The following SPSB1 variants were observed in gnomAD, a reference collection of about 807,000 sequenced individuals.
SPSB1 encodes splA/ryanodine receptor domain and SOCS box containing 1, also known as SPRY domain-containing SOCS box protein 1.
SPSB1 carries 8 observed loss-of-function variants against 21.2 expected under a neutral mutation model. The ratio of observed to expected loss-of-function variants is 0.38; its 90% CI spans 0.22 to 0.68. The LOEUF (loss-of-function observed/expected upper bound fraction) is 0.68, where lower values mean the gene tolerates loss of function less well. Among genes scored for constraint, SPSB1 ranks in the 30% least tolerant of loss-of-function variants. The probability of loss-of-function intolerance (pLI) is 0.53; values close to 1 mark genes in which losing one functional copy is unlikely to be tolerated. For missense variants in SPSB1, 242 were observed against 377.8 expected (o/e 0.64, Z 2.98); for synonymous variants, 169 against 161.7 (o/e 1.05, Z -0.34).
At chr1:9,320,830 A>G (rs1163466827) in intron 1 of SPSB1, among the ~76,000 whole-genome samples, 1 of 152,084 alleles carries the variant, frequency 6.6e-6, no homozygotes, top group Non-Finnish European at 1.5e-5. Context: ...GGTGGTTTGG[A>G]AGCTACAACG....
chr1:9,327,369 TC>T (rs1301604701), intron 1 of SPSB1, among the ~76,000 whole-genome samples: 1 of 152,124 alleles, frequency 6.6e-6, no homozygotes, highest in African/African-American at 2.4e-5. Flanking sequence ...TGCTTAAAAG[TC>T]GATCGCCAGG....
intron 1 of SPSB1, among the ~76,000 whole-genome samples, chr1:9,300,575 A>G (rs959009494): frequency 2.6e-5 from 4 of 152,220 alleles, no homozygotes; most frequent in African/African-American, 9.7e-5. Flanking sequence ...CTCTTGGCCT[A>G]ATACTGGACC....
At chr1:9,328,855 G>A (rs940598893) in intron 1 of SPSB1, among the ~76,000 whole-genome samples, 3 of 152,218 alleles carry the variant, frequency 2.0e-5, no homozygotes, top group African/African-American at 4.8e-5. Context: ...GTGGCTGGGC[G>A]TTTAGCAATA....
At position 9,346,625 on chromosome 1, in the gene SPSB1, G is replaced by C. The variant is rs1304792163; in HGVS notation, c.-149-9118G>C. On this transcript the variant is annotated intron_variant, in intron 1 of 2. Coordinates refer to ENST00000328089, the MANE Select transcript of SPSB1 (RefSeq NM_025106.4). The surrounding 1 kb of genome is among the most constrained non-coding windows in gnomAD (Gnocchi z 4.4). Reference sequence around the variant, plus strand: ...GGCTTTAATTGAAACACCATCGGGGGGTTGCCGGCAGGTGCTGTGCAGTCT... The same window carrying C: ...GGCTTTAATTGAAACACCATCGGGGCGTTGCCGGCAGGTGCTGTGCAGTCT... Among the ~76,000 whole-genome samples, 1 of 152,242 alleles carries C rather than the reference G, an allele frequency of 6.6e-6. No homozygotes were observed. The highest frequency in any genetic ancestry group is 1.5e-5 in the Non-Finnish European group (1 of 68,048).
chr1:9,358,959 T>C (rs1222503219), intron 2 of SPSB1, among the ~76,000 whole-genome samples: 22 of 152,176 alleles, frequency 1.4e-4, no homozygotes, highest in Admixed American at 1.4e-3. Context: ...TAGCTCTGCA[T>C]GAGATGGGAG....
rs761362730 is a variant in SPSB1, at chr1:9,367,609, C to T, written c.*34C>T. 1.9e-6 allele frequency: 3 copies of T among 1,559,754 alleles called. No homozygotes were observed. Among genetic ancestry groups the T allele is most frequent in the Middle Eastern group, 1.9e-4 (1 of 5,298 alleles). ...ATCATACCGCCAGCGCGACAGCCACCTGGTGCCAACTCACTGAGCCGCCTG... is the reference window on the plus strand; with the variant it reads ...ATCATACCGCCAGCGCGACAGCCACTTGGTGCCAACTCACTGAGCCGCCTG... On this transcript the variant is annotated 3_prime_UTR_variant, in exon 3 of 3. Coordinates refer to ENST00000328089, the MANE Select transcript of SPSB1 (RefSeq NM_025106.4). This position sits in a 1 kb window ranked among gnomAD's most constrained non-coding sequence, Gnocchi z 5.9.
intron 1 of SPSB1, among the ~76,000 whole-genome samples, chr1:9,353,982 C>T (rs1257214476): frequency 2.6e-5 from 4 of 151,854 alleles, no homozygotes; most frequent in South Asian, 2.1e-4. Context: ...CATGACCTGG[C>T]CCCTGAGATA....
intron 1 of SPSB1, chr1:9,294,532 T>C (rs1639178485): frequency 6.6e-6 from 1 of 152,224 alleles, no homozygotes; most frequent in Non-Finnish European, 1.5e-5. Context: ...GCTCTTCCTC[T>C]CTCCATTTCT....
At chr1:9,337,713 G>A (rs1056442932) in intron 1 of SPSB1, among the ~76,000 whole-genome samples, 1 of 152,198 alleles carries the variant, frequency 6.6e-6, no homozygotes, top group Non-Finnish European at 1.5e-5. Context: ...GGGGCCCTGA[G>A]CCAATATCCG....
At chr1:9,318,900 C>T (rs1639658685) in intron 1 of SPSB1, among the ~76,000 whole-genome samples, 1 of 152,128 alleles carries the variant, frequency 6.6e-6, no homozygotes. Flanking sequence ...GTCCTAAAGA[C>T]GTGGTAGGGC....
rs568819916 is a variant in SPSB1 at position 9,363,517 on chromosome 1, C to T, written c.695-3931C>T. Reference sequence around the variant, plus strand: ...CCTTTGGAGTCCATGGCTCTCAGACCTTGGACCTGTAACTCTCACCTCCCC... The same window carrying T: ...CCTTTGGAGTCCATGGCTCTCAGACTTTGGACCTGTAACTCTCACCTCCCC... On this transcript the variant is annotated intron_variant, in intron 2 of 2. Transcript: ENST00000328089. This position sits in a 1 kb window ranked among gnomAD's most constrained non-coding sequence, Gnocchi z 4.5. Among the ~76,000 whole-genome samples, 2 of 152,200 alleles carry T rather than the reference C, an allele frequency of 1.3e-5. No individual in the cohort carries two copies. Among genetic ancestry groups the T allele is most frequent in the African/African-American group, 4.8e-5 (2 of 41,516 alleles).
intron 1 of SPSB1, among the ~76,000 whole-genome samples, chr1:9,355,149 G>A (rs147704254): frequency 7.5e-4 from 115 of 152,322 alleles, no homozygotes; most frequent in African/African-American, 2.2e-3. Context: ...GGTGCCTTTC[G>A]TGCCAAGCGC....
chr1:9,349,964 CGCAGACACAG>C (rs952259223), intron 1 of SPSB1, among the ~76,000 whole-genome samples: 106 of 152,210 alleles, frequency 7.0e-4, no homozygotes, highest in African/African-American at 2.3e-3. Flanking sequence ...ACGCCACACA[CGCAGACACAG>C]GCAGACACGA....
chr1:9,342,648 C>T (rs1349923973), intron 1 of SPSB1, among the ~76,000 whole-genome samples: 3 of 152,226 alleles, frequency 2.0e-5, no homozygotes, highest in East Asian at 1.9e-4. Flanking sequence ...CGCCAGCCCG[C>T]GGGGTCATCC....
chr1:9,352,412 C>T (rs959453204), intron 1 of SPSB1, among the ~76,000 whole-genome samples: 8 of 152,158 alleles, frequency 5.3e-5, no homozygotes, highest in Non-Finnish European at 1.2e-4. Flanking sequence ...CTCTGGCTGG[C>T]GGACCCCAGG....
Position 9,320,801 on chromosome 1 carries a change from A to G in SPSB1, c.-150+27730A>G, listed in dbSNP as rs185262471. ...CGTGTTTCTTGTTTCCTCGTGGGGG[A>G]TTTTAAATTTATGTCACTGGTGGTT... On this transcript the variant is annotated intron_variant, in intron 1 of 2. Transcript: ENST00000328089. 6.4e-3 allele frequency among the ~76,000 whole-genome samples: 976 copies of G among 151,574 alleles called. 7 individuals carry two copies. The highest frequency in any genetic ancestry group is 0.01 in the Middle Eastern group (3 of 294).
At chr1:9,357,071 G>A (rs1366986081) in intron 2 of SPSB1, among the ~76,000 whole-genome samples, 1 of 151,614 alleles carries the variant, frequency 6.6e-6, no homozygotes, top group Non-Finnish European at 1.5e-5. Context: ...ATGGATAAAT[G>A]AACGGATGGA....
rs138044973 is a variant in SPSB1 at position 9,296,889 on chromosome 1, C to T, written c.-150+3818C>T. 1.8e-4 allele frequency among the ~76,000 whole-genome samples: 27 copies of T among 152,328 alleles called. No individual in the cohort carries two copies. The East Asian group carries it at 5.2e-3, about 29-fold the overall frequency. On this transcript the variant is annotated intron_variant, in intron 1 of 2. Coordinates refer to ENST00000328089, the MANE Select transcript of SPSB1 (RefSeq NM_025106.4). ...CCAACCCCCTGAAACCTTTGGGAAG[C>T]TGCCTGTTTGCTTTGTGTTTTAAAA...
chr1:9,309,301 AGTGTGTGTGT>A (rs35952855), intron 1 of SPSB1, among the ~76,000 whole-genome samples: 10 of 133,136 alleles, frequency 7.5e-5, no homozygotes, highest in East Asian at 2.2e-4. Flanking sequence ...AGAGAGAGAG[AGTGTGTGTGT>A]GTGTGTGTGT....
Sources: gnomAD v4.1 joint callset for allele counts (sites outside exome capture counted in the v4.1 genomes callset) on GRCh38, gnomAD v4.1.1 for gene constraint, Gnocchi (gnomAD v3.1) non-coding constraint, MANE v1.5 for transcripts, NCBI Gene and HGNC (gene_info 2026-07-23, HGNC 2026-07-21) for gene names.